The following LRP5 variants were observed in gnomAD, a reference collection of about 807,000 sequenced individuals.
LRP5 encodes the protein low-density lipoprotein receptor-related protein 5.
In LRP5, 62 loss-of-function variants were observed where a neutral mutation model predicts 154.1. That is an observed-to-expected ratio of 0.40 (90% CI 0.33 to 0.50). The LOEUF (loss-of-function observed/expected upper bound fraction) is 0.50, where lower values mean the gene tolerates loss of function less well. LRP5 is among the 20% of genes least tolerant of loss of function. The pLI, the probability that LRP5 is intolerant of heterozygous loss-of-function variation, is 0.55. For synonymous variants in LRP5, 966 were observed against 1,011.5 expected (o/e 0.96, Z 0.85); for missense variants, 1,915 against 2,336.7 (o/e 0.82, Z 3.72).
intron 7 of LRP5, among the ~76,000 whole-genome samples, chr11:68,401,520 T>G (rs2098652626): frequency 6.6e-6 from 1 of 152,168 alleles, no homozygotes; most frequent in African/African-American, 2.4e-5. Context: ...TTTTGTTGTT[T>G]CTTCTGTGAC....
At position 68,429,571 on chromosome 11, in the gene LRP5, GC is replaced by G. The variant is rs2098670805; in HGVS notation, c.3638-3del. 1 of 1,613,968 alleles carries G rather than the reference GC, an allele frequency of 6.2e-7. No homozygotes were observed. Among genetic ancestry groups the G allele is most frequent in the Non-Finnish European group, 8.5e-7 (1 of 1,180,052 alleles). ...CCTCTGTTTGTCTTGTTTTGTCTTTGCAGCAGCCCACCCATGTGCCCGTGAC... is the reference window on the plus strand; with the variant it reads ...CCTCTGTTTGTCTTGTTTTGTCTTTGAGCAGCCCACCCATGTGCCCGTGAC... On this transcript the variant is annotated splice_region_variant and splice_polypyrimidine_tract_variant and intron_variant, in intron 16 of 22. Coordinates refer to ENST00000294304, the MANE Select transcript of LRP5 (RefSeq NM_002335.4).
chr11:68,376,340 C>T (rs886115295), intron 5 of LRP5, among the ~76,000 whole-genome samples: 2 of 152,106 alleles, frequency 1.3e-5, no homozygotes, highest in Non-Finnish European at 2.9e-5. Context: ...CGCCACCACA[C>T]TCGGCTTATT....
Position 68,433,594 on chromosome 11 carries a change from T to A in LRP5, c.3764-8T>A. ...TGCGTGTGATGTTCTCCTCTGTCCC[T>A]CCCCCAGAGCCGCCCACCTGCTCCC... On this transcript the variant is annotated splice_region_variant and splice_polypyrimidine_tract_variant and intron_variant, in intron 17 of 22. Coordinates refer to ENST00000294304, the MANE Select transcript of LRP5 (RefSeq NM_002335.4). 1 of 1,609,358 alleles carries A rather than the reference T, an allele frequency of 6.2e-7. No individual in the cohort carries two copies. The highest frequency in any genetic ancestry group is 8.5e-7 in the Non-Finnish European group (1 of 1,176,564).
At chr11:68,401,178 C>A (rs995770425) in intron 7 of LRP5, among the ~76,000 whole-genome samples, 1 of 152,156 alleles carries the variant, frequency 6.6e-6, no homozygotes. Context: ...ATGGGGCCAA[C>A]CCCTCAGATG....
intron 5 of LRP5, among the ~76,000 whole-genome samples, chr11:68,384,160 G>T (rs2098641740): frequency 6.6e-6 from 1 of 152,208 alleles, no homozygotes; most frequent in Non-Finnish European, 1.5e-5. Flanking sequence ...GGGGCTTGGA[G>T]CAGGAGTCAG....
rs1416998333 is a variant in LRP5, at chr11:68,361,707, A to G, written c.687-2040A>G. 2.6e-5 allele frequency among the ~76,000 whole-genome samples: 4 copies of G among 152,182 alleles called. No homozygotes were observed. The East Asian group carries it at 7.7e-4, about 29-fold the overall frequency. ...CATGGTGGTACATACCTGTGTTCCC[A>G]GCTACTCAGGAGGCTGAGGCAGGAG... On this transcript the variant is annotated intron_variant, in intron 3 of 22. Coordinates refer to ENST00000294304, the MANE Select transcript of LRP5 (RefSeq NM_002335.4).
intron 17 of LRP5, among the ~76,000 whole-genome samples, chr11:68,432,330 T>TC (rs2098672382): frequency 6.6e-6 from 1 of 152,206 alleles, no homozygotes; most frequent in African/African-American, 2.4e-5. Flanking sequence ...GTCCTCCGTG[T>TC]CCCCCATGGC....
At chr11:68,305,945 G>A in the LRP5 span, among the ~76,000 whole-genome samples, 2 of 152,222 alleles carry the variant, frequency 1.3e-5, no homozygotes, top group Non-Finnish European at 2.9e-5. Context: ...CTGGAGGCCA[G>A]AAGTCTGAGG....
At chr11:68,328,066 G>A (rs1441697952) in intron 1 of LRP5, among the ~76,000 whole-genome samples, 1 of 152,200 alleles carries the variant, frequency 6.6e-6, no homozygotes, top group African/African-American at 2.4e-5. Flanking sequence ...TAGCCTCTGA[G>A]ATGCATCAGG....
chr11:68,425,332 C>T lies in LRP5; in HGVS notation c.3427+40C>T, dbSNP rs1405230375. ...GCCTGCCCTAACCGCAGACACCCGG[C>T]CTTCATTGTCAGTAATGGCAGCAGC... On this transcript the variant is annotated intron_variant, in intron 15 of 22. Coordinates refer to ENST00000294304, the MANE Select transcript of LRP5 (RefSeq NM_002335.4). 3.2e-6 allele frequency: 5 copies of T among 1,572,486 alleles called. No homozygotes were observed. In the African/African-American group the frequency reaches 5.4e-5, roughly 17 times the overall value.
At chr11:68,377,863 CGG>C (rs1247594852) in intron 5 of LRP5, among the ~76,000 whole-genome samples, 41 of 786 alleles carry the variant, frequency 0.052, no homozygotes, top group African/African-American at 0.1. Context: ...CAGCTTTCCC[CGG>C]ATCTCAGCTT....
chr11:68,444,598 T>A (rs2098680455), intron 21 of LRP5, among the ~76,000 whole-genome samples: 1 of 112,008 alleles, frequency 8.9e-6, no homozygotes, highest in African/African-American at 3.5e-5. Flanking sequence ...TGGGCCGAGA[T>A]CCAGTCCTCT....
rs142506263 is a variant in LRP5, at chr11:68,386,440, C to T, written c.1140C>T (p.Tyr380=). ...TCCGGCACGCCATTGCCATCGACTA[C>T]GACCCGCTAGAGGGCTATGTCTACT... ...DDIRHAIAID[Y]DPLEGYVYWT... The change falls in exon 6 of 23, where the codon TAC becomes TAT. Residue 380 remains tyrosine (Y), a synonymous_variant. Coordinates refer to ENST00000294304, the MANE Select transcript of LRP5 (RefSeq NM_002335.4). This position sits in a 1 kb window ranked among gnomAD's most constrained non-coding sequence, Gnocchi z 7.9. 2.4e-5 allele frequency: 39 copies of T among 1,614,120 alleles called. 1 individual carries two copies. Among genetic ancestry groups the T allele is most frequent in the Middle Eastern group, 1.6e-4 (1 of 6,062 alleles).
At chr11:68,378,821 G>A (rs1005249230) in intron 5 of LRP5, among the ~76,000 whole-genome samples, 11 of 152,144 alleles carry the variant, frequency 7.2e-5, no homozygotes, top group Non-Finnish European at 1.6e-4. Context: ...GGGTTGGGGG[G>A]TGGATCACTG....
At chr11:68,403,271 AAAAC>A (rs570269804) in intron 7 of LRP5, among the ~76,000 whole-genome samples, 159 of 150,338 alleles carry the variant, frequency 1.1e-3, no homozygotes, top group Non-Finnish European at 1.7e-3. Context: ...AAACAAACAA[AAAAC>A]AAACAAACAA....
chr11:68,306,761 C>G, the LRP5 span, among the ~76,000 whole-genome samples: 1 of 152,236 alleles, frequency 6.6e-6, no homozygotes. Context: ...TTATTTTTCA[C>G]TACTCATGTG....
At chr11:68,445,722 CT>C (rs1224358566) in intron 21 of LRP5, 1 of 1,228,774 alleles carries the variant, frequency 8.1e-7, no homozygotes, top group Non-Finnish European at 1.1e-6. Flanking sequence ...CCCAGGGCCC[CT>C]GGTCCCTTCC....
intron 1 of LRP5, among the ~76,000 whole-genome samples, chr11:68,313,468 A>C (rs1049289289): frequency 6.6e-6 from 1 of 151,976 alleles, no homozygotes; most frequent in Non-Finnish European, 1.5e-5. Context: ...ATCGCGGGGC[A>C]GTGGGGGAGG....
In LRP5 at chr11:68,372,039, C is replaced by T. The variant is rs533944043; in HGVS notation, c.1015+6337C>T. Among the ~76,000 whole-genome samples the T allele has an allele frequency of 3.5e-4, 54 of 152,284 alleles. No individual in the cohort carries two copies. In the South Asian group the frequency reaches 0.011, roughly 30 times the overall value. On this transcript the variant is annotated intron_variant, in intron 5 of 22. Transcript: ENST00000294304. ...GGCTCTGGAGCTGGCCCTGGGCTAG[C>T]GGAAACGCAGGTAACGAAGGAGGCT... is the stretch of plus-strand genomic sequence containing the variant.
Sources: allele counts gnomAD v4.1 joint callset (sites outside exome capture counted in the v4.1 genomes callset), GRCh38; gene constraint gnomAD v4.1.1; non-coding constraint Gnocchi (gnomAD v3.1); transcripts MANE v1.5; gene names NCBI Gene and HGNC (gene_info 2026-07-23, HGNC 2026-07-21).